Variants in PLD5 observed in about 807,000 individuals in gnomAD.
PLD5 encodes the protein inactive phospholipase D5.
In PLD5, 36 loss-of-function variants were observed where a neutral mutation model predicts 61.1. That is an observed-to-expected ratio of 0.59 (90% CI 0.45 to 0.78). The LOEUF is 0.78. Ranked by LOEUF, PLD5 falls within the 30% of genes least tolerant of loss-of-function variation. The pLI is 0.00. For missense variants in PLD5, 515 were observed against 644.4 expected (o/e 0.80, Z 2.17); for synonymous variants, 243 against 242.8 (o/e 1.00, Z -0.01).
chr1:242,409,111 C>T (rs1011480034), intron 1 of PLD5, among the ~76,000 whole-genome samples: 3 of 151,736 alleles, frequency 2.0e-5, no homozygotes, highest in African/African-American at 7.3e-5. Context: ...ACAAGAAGCA[C>T]CTTTCAGTCT....
At chr1:242,475,302 A>G (rs1475512690) in intron 1 of PLD5, among the ~76,000 whole-genome samples, 1 of 151,814 alleles carries the variant, frequency 6.6e-6, no homozygotes, top group Non-Finnish European at 1.5e-5. Context: ...GGGCGCCTGT[A>G]GTCCCAGCTA....
chr1:242,347,726 C>T (rs567791593), intron 2 of PLD5, among the ~76,000 whole-genome samples: 14 of 152,264 alleles, frequency 9.2e-5, no homozygotes, highest in East Asian at 7.7e-4. Context: ...TTCCCTGAGA[C>T]GTGTATTTTT....
intron 1 of PLD5, among the ~76,000 whole-genome samples, chr1:242,396,026 T>C (rs1158069177): frequency 1.3e-5 from 2 of 151,770 alleles, no homozygotes; most frequent in African/African-American, 4.8e-5. Context: ...CCAGCCTGGG[T>C]AATAAGAATG....
At chr1:242,528,457 A>T (rs952760089), upstream of PLD5, among the ~76,000 whole-genome samples, 1 of 152,168 alleles carries the variant, frequency 6.6e-6, no homozygotes, top group Non-Finnish European at 1.5e-5. Context: ...TTGAATTCAA[A>T]CCTAAACTTA....
Position 242,284,231 on chromosome 1 carries a change from G to C in PLD5, c.495+4131C>G, listed in dbSNP as rs578128863. On this transcript the variant is annotated intron_variant, in intron 3 of 9. Coordinates refer to ENST00000536534, the MANE Select transcript of PLD5 (RefSeq NM_001372062.1). ...CAGCTCACTGCAGCCTCCGCCTCCC[G>C]GGTTCCAGCAATTGTTCTGTTTCAG... Among the ~76,000 whole-genome samples the C allele has an allele frequency of 2.6e-3, 361 of 137,956 alleles. 2 individuals are homozygous for C. Among genetic ancestry groups the C allele is most frequent in the Middle Eastern group, 0.012 (3 of 252 alleles). The allele number at this position is 137,956 out of a possible 152,430, so 90.5% of individuals were successfully genotyped here. A position where few individuals can be genotyped will look rare whatever the true frequency, so the allele number is the denominator to read the frequency against.
intron 1 of PLD5, among the ~76,000 whole-genome samples, chr1:242,363,443 C>A (rs1661179174): frequency 1.4e-5 from 2 of 146,546 alleles, no homozygotes; most frequent in South Asian, 2.2e-4. Context: ...CATGGTGAGA[C>A]CCTGTCTCTT....
intron 2 of PLD5, among the ~76,000 whole-genome samples, chr1:242,303,776 C>T (rs1676192313): frequency 6.6e-6 from 1 of 152,208 alleles, no homozygotes; most frequent in Non-Finnish European, 1.5e-5. Flanking sequence ...GACACCAGAT[C>T]TTACCCAGTA....
intron 1 of PLD5, among the ~76,000 whole-genome samples, chr1:242,394,250 GTATA>G (rs562212099): frequency 1.1e-5 from 1 of 92,836 alleles, no homozygotes; most frequent in Non-Finnish European, 2.0e-5. Flanking sequence ...ATATATATGT[GTATA>G]TATATGAGTA....
chr1:242,454,331 C>CAAAA lies in PLD5; in HGVS notation c.189+69753_189+69756dup, dbSNP rs34186124. ...TGGGCAACACAGCAAGACTCCGTGTCAAAAAAAAAAAAAAGGCAAATTTAA... is the reference window on the plus strand; with the variant it reads ...TGGGCAACACAGCAAGACTCCGTGTCAAAAAAAAAAAAAAAAAAGGCAAATTTAA... On this transcript the variant is annotated intron_variant, in intron 1 of 9. Transcript: ENST00000536534. Among the ~76,000 whole-genome samples the CAAAA allele has an allele frequency of 2.1e-3, 266 of 128,120 alleles. 2 individuals carry two copies. The highest frequency in any genetic ancestry group is 4.0e-3 in the Middle Eastern group (1 of 250). 84.1% of individuals were successfully genotyped at this position (128,120 alleles called of 152,430 possible). A position where few individuals can be genotyped will look rare whatever the true frequency, so the allele number is the denominator to read the frequency against.
At chr1:242,513,587 C>T (rs1266383804) in intron 1 of PLD5, among the ~76,000 whole-genome samples, 1 of 152,206 alleles carries the variant, frequency 6.6e-6, no homozygotes, top group Admixed American at 6.5e-5. Context: ...ATAAGTAACC[C>T]GAGGCCAAAG....
chr1:242,341,639 C>T (rs1659838578), intron 2 of PLD5, among the ~76,000 whole-genome samples: 1 of 139,246 alleles, frequency 7.2e-6, no homozygotes, highest in South Asian at 2.5e-4. Flanking sequence ...CTAGGACACT[C>T]CTTATTGGAG....
At position 242,199,763 on chromosome 1, in the gene PLD5, G is replaced by T. The variant is rs867886721; in HGVS notation, c.735+20225C>A. 4.6e-5 allele frequency among the ~76,000 whole-genome samples: 7 copies of T among 152,192 alleles called. No homozygotes were observed. The Middle Eastern group carries it at 0.01, about 222-fold the overall frequency. On this transcript the variant is annotated intron_variant, in intron 5 of 9. Transcript: ENST00000536534. Reference sequence around the variant, plus strand: ...CTCCCACTTATGAGTGAGAACATGCGGTGTTTGTCTATCTGTGTCTGAGTT... The same window carrying T: ...CTCCCACTTATGAGTGAGAACATGCTGTGTTTGTCTATCTGTGTCTGAGTT...
intron 2 of PLD5, among the ~76,000 whole-genome samples, chr1:242,336,042 G>A (rs941212475): frequency 7.9e-5 from 12 of 152,110 alleles, no homozygotes; most frequent in African/African-American, 2.2e-4. Context: ...GAATAGGCAC[G>A]CCACAGGTGA....
rs374548082 is a variant in PLD5, at chr1:242,409,852, G to A, written c.190-61610C>T. On this transcript the variant is annotated intron_variant, in intron 1 of 9. Coordinates refer to ENST00000536534, the MANE Select transcript of PLD5 (RefSeq NM_001372062.1). ...GGGGGCGCCATGTTGCCAGGCACAT[G>A]TGAAGGCAAAGGCAAGAAGACACGG... Among the ~76,000 whole-genome samples the A allele has an allele frequency of 1.2e-4, 18 of 152,320 alleles. No individual in the cohort carries two copies. The East Asian group carries it at 1.7e-3, about 15-fold the overall frequency.
intron 1 of PLD5, among the ~76,000 whole-genome samples, chr1:242,490,009 G>A (rs945345296): frequency 2.0e-5 from 3 of 152,214 alleles, no homozygotes; most frequent in Non-Finnish European, 4.4e-5. Flanking sequence ...TCAGGCATTA[G>A]AGGAGCCATT....
At chr1:242,377,063 G>T in intron 1 of PLD5, 1 of 1,611,788 alleles carries the variant, frequency 6.2e-7, no homozygotes, top group Non-Finnish European at 8.5e-7. Flanking sequence ...CATCAGGGGA[G>T]TCATCCTCGT....
intron 3 of PLD5, among the ~76,000 whole-genome samples, chr1:242,282,103 C>A (rs1674748168): frequency 6.6e-6 from 1 of 152,152 alleles, no homozygotes; most frequent in Non-Finnish European, 1.5e-5. Flanking sequence ...GTACACAAAT[C>A]AGTGAATGTG....
intron 5 of PLD5, among the ~76,000 whole-genome samples, chr1:242,142,884 G>A (rs1664279289): frequency 6.6e-6 from 1 of 151,766 alleles, no homozygotes; most frequent in Admixed American, 6.6e-5. Context: ...CCACCACCAT[G>A]TTGGCTGATT....
chr1:242,147,784 G>T (rs77553940), intron 5 of PLD5, among the ~76,000 whole-genome samples: 4,445 of 152,224 alleles, frequency 0.029, 229 homozygotes, highest in African/African-American at 0.1. Context: ...TTTGTTGAAG[G>T]TATTTATATA....
Sources: allele counts gnomAD v4.1 joint callset (sites outside exome capture counted in the v4.1 genomes callset), GRCh38; gene constraint gnomAD v4.1.1; transcripts MANE v1.5; gene names NCBI Gene and HGNC (gene_info 2026-07-23, HGNC 2026-07-21).